Variants in FAP observed in about 807,000 individuals in gnomAD.
FAP encodes the protein prolyl endopeptidase FAP.
FAP carries 110 observed loss-of-function variants against 126.5 expected under a neutral mutation model. The ratio of observed to expected loss-of-function variants is 0.87; its 90% confidence interval spans 0.74 to 1.02. The LOEUF is 1.02. FAP is among the 50% of genes least tolerant of loss of function. The pLI, the probability that FAP is intolerant of heterozygous loss-of-function variation, is 0.00. For missense variants in FAP, 919 were observed against 909.2 expected (o/e 1.01, Z -0.14); for synonymous variants, 334 against 297.3 (o/e 1.12, Z -1.27).
At chr2:162,189,262 C>A in intron 18 of FAP, 90 bp from the exon 19 acceptor site, 1 of 648,540 alleles carries the variant, frequency 1.5e-6, no homozygotes, top group South Asian at 2.7e-5. Flanking sequence ...GCAATAAAAT[C>A]AATTTTCAAC....
chr2:162,207,855 C>T (rs531361289), intron 12 of FAP, among the ~76,000 whole-genome samples: 5 of 151,736 alleles, frequency 3.3e-5, no homozygotes, highest in East Asian at 4.0e-4. Flanking sequence ...GGACTACAGG[C>T]GCCCGCCACC....
In FAP at chr2:162,199,694, C is replaced by A. The variant is rs1688417744; in HGVS notation, c.1278-813G>T. 1.3e-5 allele frequency among the ~76,000 whole-genome samples: 2 copies of A among 152,216 alleles called. 1 individual carries two copies. The highest frequency in any genetic ancestry group is 1.3e-4 in the Admixed American group (2 of 15,278). On this transcript the variant is annotated intron_variant, in intron 15 of 25. Transcript: ENST00000188790. ...ACCTGTGAGTTTCTTCTGCTGCTGT[C>A]CCTGACTTTGCCTTGGGCATGGCAG...
At chr2:162,208,128 C>T (rs999615374) in intron 12 of FAP, among the ~76,000 whole-genome samples, 10 of 151,376 alleles carry the variant, frequency 6.6e-5, no homozygotes, top group Non-Finnish European at 1.0e-4. Flanking sequence ...TGATGGTGGG[C>T]GCCTGCAATC....
intron 2 of FAP, among the ~76,000 whole-genome samples, chr2:162,226,887 G>A (rs1418108112): frequency 1.3e-5 from 2 of 152,116 alleles, no homozygotes; most frequent in East Asian, 3.9e-4. Context: ...AAAGATTACA[G>A]AGGAAGGCCA....
At chr2:162,204,413 C>T (rs1194050403) in intron 12 of FAP, among the ~76,000 whole-genome samples, 1 of 152,144 alleles carries the variant, frequency 6.6e-6, no homozygotes, top group African/African-American at 2.4e-5. Context: ...GAAATGGGGT[C>T]TTCGCAGATG....
intron 1 of FAP, 41 bp from the exon 2 acceptor site, chr2:162,243,033 G>T: frequency 2.0e-6 from 3 of 1,489,336 alleles, no homozygotes; most frequent in Non-Finnish European, 2.8e-6. Context: ...CACAGTTCCT[G>T]CTAAATAGTA....
At position 162,174,866 on chromosome 2, in the gene FAP, C is replaced by T. The variant is rs1283370893; in HGVS notation, c.1969+1G>A. On this transcript the variant is annotated splice_donor_variant, in intron 22 of 25. Coordinates refer to ENST00000188790, the MANE Select transcript of FAP (RefSeq NM_004460.5). LOFTEE classifies it high-confidence loss of function. ...AGTAACATTAATGAATGTTTCCATA[C>T]CGTAATATTCCCAGCTGGAGACTGG... 1.9e-6 allele frequency: 3 copies of T among 1,596,882 alleles called. No individual in the cohort carries two copies. The highest frequency in any genetic ancestry group is 1.7e-5 in the Admixed American group (1 of 59,852).
At chr2:162,206,021 A>G (rs1175388861) in intron 12 of FAP, among the ~76,000 whole-genome samples, 2 of 152,250 alleles carry the variant, frequency 1.3e-5, no homozygotes, top group Non-Finnish European at 2.9e-5. Flanking sequence ...AAAATAAAAA[A>G]AACAGGGCAG....
intron 2 of FAP, among the ~76,000 whole-genome samples, chr2:162,241,014 G>A (rs1344109087): frequency 6.6e-6 from 1 of 152,200 alleles, no homozygotes; most frequent in Non-Finnish European, 1.5e-5. Flanking sequence ...TCCTGCTCAG[G>A]AAAGTAGGGT....
At chr2:162,218,946 C>T in intron 8 of FAP, 117 bp downstream of exon 8, 2 of 777,868 alleles carry the variant, frequency 2.6e-6, no homozygotes, top group Admixed American at 3.6e-5. Context: ...AGACAATTTT[C>T]AGCAATGCTA....
intron 2 of FAP, among the ~76,000 whole-genome samples, chr2:162,240,166 A>T (rs930903324): frequency 1.4e-4 from 21 of 152,208 alleles, no homozygotes; most frequent in African/African-American, 4.8e-4. Context: ...GAAGGCAAGG[A>T]CAACCTGGGA....
Position 162,219,073 on chromosome 2 carries a change from C to G in FAP, c.597G>C (p.Trp199Cys). The G allele has an allele frequency of 6.2e-7, 1 of 1,602,344 alleles. No homozygotes were observed. The highest frequency in any genetic ancestry group is 1.1e-5 in the South Asian group (1 of 90,184). Residue 199 changes from tryptophan (W) to cysteine (C), a missense_variant, in exon 8 of 26, where the codon TGG (tryptophan) becomes TGC (cysteine). Physicochemically the swap from Trp to Cys is radical, Grantham distance 215. Transcript: ENST00000188790. Reference protein sequence around the residue: ...ENKIFNGIPDWVYEEEMLATK... With the variant: ...ENKIFNGIPDCVYEEEMLATK... ...AGGAATACAGCTTACCTTCATAAAC[C>G]CAGTCTGGGATTCCATTAAATATTT...
At chr2:162,181,724 C>G (rs969268321) in intron 21 of FAP, among the ~76,000 whole-genome samples, 1 of 152,174 alleles carries the variant, frequency 6.6e-6, no homozygotes, top group Admixed American at 6.6e-5. Flanking sequence ...CTGTTTCCCC[C>G]ACAAGAGGGC....
At chr2:162,177,997 G>A (rs1317251232) in intron 21 of FAP, among the ~76,000 whole-genome samples, 1 of 152,134 alleles carries the variant, frequency 6.6e-6, no homozygotes, top group African/African-American at 2.4e-5. Context: ...CTCAAACTCA[G>A]GACACTTGTC....
chr2:162,223,035 G>GTA (rs138270508), intron 6 of FAP, among the ~76,000 whole-genome samples: 70 of 151,048 alleles, frequency 4.6e-4, no homozygotes, highest in African/African-American at 3.2e-4. Context: ...CAGTTTATAT[G>GTA]TATATATATA....
Position 162,188,266 on chromosome 2 carries a change from C to G in FAP, c.1717G>C (p.Asp573His). The change falls in exon 20 of 26, where the codon GAT (aspartate) becomes CAT (histidine). Residue 573 changes from aspartate to histidine, a missense_variant. By Grantham distance (81) the Asp-to-His change is moderately conservative. Coordinates refer to ENST00000188790, the MANE Select transcript of FAP (RefSeq NM_004460.5). ...SKEGMVIALV[D>H]GRGTAFQGDK... is the part of the protein sequence containing the mutation. ...CCTTGGAAAGCTGTTCCTCGACCATCCACCAAGGCAATGACCATCCCTTCC... is the reference window on the plus strand; with the variant it reads ...CCTTGGAAAGCTGTTCCTCGACCATGCACCAAGGCAATGACCATCCCTTCC... 6.2e-7 allele frequency: 1 copy of G among 1,613,350 alleles called. No individual in the cohort carries two copies. The highest frequency in any genetic ancestry group is 1.3e-5 in the African/African-American group (1 of 74,956).
chr2:162,219,275 G>T, intron 7 of FAP, 92 bp from the exon 8 acceptor site: 1 of 1,199,940 alleles, frequency 8.3e-7, no homozygotes, highest in East Asian at 2.7e-5. Context: ...TAAACAGAGT[G>T]GTAATAAAGA....
chr2:162,178,755 T>A (rs945931671), intron 21 of FAP, among the ~76,000 whole-genome samples: 3 of 152,192 alleles, frequency 2.0e-5, no homozygotes, highest in Non-Finnish European at 1.5e-5. Context: ...CTCCAAAAAA[T>A]TTTGTTGGGT....
intron 2 of FAP, among the ~76,000 whole-genome samples, chr2:162,238,856 G>A (rs758737956): frequency 2.0e-5 from 3 of 152,032 alleles, no homozygotes; most frequent in South Asian, 4.2e-4. Context: ...CAACAACAAC[G>A]GATTTCTGAC....
Sources: allele counts gnomAD v4.1 joint callset (sites outside exome capture counted in the v4.1 genomes callset), GRCh38; gene constraint gnomAD v4.1.1; transcripts MANE v1.5; gene names NCBI Gene and HGNC (gene_info 2026-07-23, HGNC 2026-07-21).